FAM210A: variants seen among roughly 807,000 people sequenced by gnomAD.
FAM210A encodes family with sequence similarity 210 member A.
A neutral mutation model predicts 25.3 loss-of-function variants in FAM210A; 13 were observed. The observed-to-expected ratio is 0.51, with a 90% CI of 0.33 to 0.82. The LOEUF is 0.82. Ranked by LOEUF, FAM210A falls within the 40% of genes least tolerant of loss-of-function variation. The probability of loss-of-function intolerance (pLI) is 0.02; values close to 1 mark genes in which losing one functional copy is unlikely to be tolerated. For missense variants in FAM210A, 319 were observed against 323.2 expected (o/e 0.99, Z 0.10); for synonymous variants, 125 against 118.7 (o/e 1.05, Z -0.35).
intron 1 of FAM210A, among the ~76,000 whole-genome samples, chr18:13,707,679 T>C (rs1239684903): frequency 1.3e-5 from 2 of 152,268 alleles, no homozygotes; most frequent in African/African-American, 4.8e-5. Context: ...TGAGTCCTTG[T>C]GGATGAACTG....
chr18:13,706,872 T>C (rs1040197711), intron 1 of FAM210A, among the ~76,000 whole-genome samples: 1 of 152,192 alleles, frequency 6.6e-6, no homozygotes, highest in African/African-American at 2.4e-5. Context: ...AAAAACCACT[T>C]AGTTAAGCCA....
chr18:13,707,502 C>T (rs1181730475), intron 1 of FAM210A, among the ~76,000 whole-genome samples: 2 of 152,358 alleles, frequency 1.3e-5, no homozygotes, highest in Non-Finnish European at 1.5e-5. Context: ...CTCAGTTCTA[C>T]TGTTTCCCAG....
chr18:13,687,034 C>T (rs1440662994), intron 1 of FAM210A, among the ~76,000 whole-genome samples: 1 of 152,170 alleles, frequency 6.6e-6, no homozygotes, highest in East Asian at 1.9e-4. Flanking sequence ...CAAGTCAAAT[C>T]CAGCAATGTC....
At chr18:13,668,390 G>T (rs2043417356) in intron 3 of FAM210A, among the ~76,000 whole-genome samples, 3 of 152,128 alleles carry the variant, frequency 2.0e-5, no homozygotes. Context: ...CTCTGAACGT[G>T]GTGTGACAAC....
At chr18:13,719,169 C>T (rs1354872938) in intron 1 of FAM210A, among the ~76,000 whole-genome samples, 1 of 152,080 alleles carries the variant, frequency 6.6e-6, no homozygotes, top group Non-Finnish European at 1.5e-5. Flanking sequence ...ACATTGCAAA[C>T]CCATCACTGT....
chr18:13,703,369 C>A (rs534130443), intron 1 of FAM210A, among the ~76,000 whole-genome samples: 1 of 152,268 alleles, frequency 6.6e-6, no homozygotes. Context: ...GATAAGACTC[C>A]TATAGGGGGT....
At chr18:13,685,935 G>A (rs542424542) in intron 1 of FAM210A, among the ~76,000 whole-genome samples, 1 of 152,148 alleles carries the variant, frequency 6.6e-6, no homozygotes, top group East Asian at 1.9e-4. Flanking sequence ...CTAGAAAAGA[G>A]GAGCAAGCAG....
intron 1 of FAM210A, among the ~76,000 whole-genome samples, chr18:13,688,942 C>A (rs1032067344): frequency 6.6e-6 from 1 of 152,248 alleles, no homozygotes; most frequent in Non-Finnish European, 1.5e-5. Context: ...CCTGCTGGCA[C>A]CAAAGTGGCT....
At chr18:13,689,983 G>A (rs1488012335) in intron 1 of FAM210A, among the ~76,000 whole-genome samples, 9 of 152,192 alleles carry the variant, frequency 5.9e-5, no homozygotes, top group East Asian at 3.9e-4. Context: ...GAAGTGCAAT[G>A]GGTCAGGGAA....
intron 1 of FAM210A, among the ~76,000 whole-genome samples, chr18:13,700,467 C>T (rs371616985): frequency 1.3e-5 from 2 of 152,192 alleles, no homozygotes; most frequent in Non-Finnish European, 2.9e-5. Flanking sequence ...TTTTCCAGAT[C>T]CTGAATTCCA....
At chr18:13,672,544 G>A (rs964515602) in intron 2 of FAM210A, among the ~76,000 whole-genome samples, 2 of 152,122 alleles carry the variant, frequency 1.3e-5, no homozygotes, top group South Asian at 4.1e-4. Context: ...GAGTAGCTGG[G>A]ATTACAGACA....
At chr18:13,676,851 G>A (rs1312664694) in intron 2 of FAM210A, among the ~76,000 whole-genome samples, 7 of 152,080 alleles carry the variant, frequency 4.6e-5, no homozygotes, top group East Asian at 3.9e-4. Context: ...AAGTACTTTC[G>A]CACAGGAAAA....
intron 1 of FAM210A, among the ~76,000 whole-genome samples, chr18:13,711,560 T>A (rs1050158567): frequency 6.6e-6 from 1 of 152,184 alleles, no homozygotes; most frequent in Non-Finnish European, 1.5e-5. Flanking sequence ...ACTACTTGCA[T>A]CCTACTTGTT....
intron 1 of FAM210A, among the ~76,000 whole-genome samples, chr18:13,712,663 T>G (rs2149069214): frequency 6.6e-6 from 1 of 152,278 alleles, no homozygotes; most frequent in South Asian, 2.1e-4. Flanking sequence ...AGCCAGCAAG[T>G]GGGCCCACAC....
At chr18:13,678,638 T>G (rs2149055533) in intron 2 of FAM210A, among the ~76,000 whole-genome samples, 1 of 152,306 alleles carries the variant, frequency 6.6e-6, no homozygotes, top group Non-Finnish European at 1.5e-5. Context: ...TAACTTTCAT[T>G]TCCTCTGGAA....
At chr18:13,671,729 A>C in intron 3 of FAM210A, 133 bp downstream of exon 3, 1 of 529,734 alleles carries the variant, frequency 1.9e-6, no homozygotes, top group Non-Finnish European at 3.4e-6. Flanking sequence ...ATTATTCACC[A>C]GACATATCAG....
At chr18:13,709,111 C>T (rs1425499187) in intron 1 of FAM210A, among the ~76,000 whole-genome samples, 4 of 152,224 alleles carry the variant, frequency 2.6e-5, no homozygotes, top group Admixed American at 2.6e-4. Flanking sequence ...TCACATTCTG[C>T]TCAGAAACTA....
At chr18:13,680,425 A>G (rs1374880548) in intron 2 of FAM210A, among the ~76,000 whole-genome samples, 3 of 152,224 alleles carry the variant, frequency 2.0e-5, no homozygotes, top group African/African-American at 2.4e-5. Context: ...AAATAAGAGG[A>G]ACATAATGTA....
At chr18:13,699,935 T>TA (rs1363437457) in intron 1 of FAM210A, among the ~76,000 whole-genome samples, 1 of 152,270 alleles carries the variant, frequency 6.6e-6, no homozygotes, top group Middle Eastern at 3.4e-3. Context: ...ACACTATGGG[T>TA]AAAAAAACTC....
Sources: gnomAD v4.1 joint callset for allele counts (sites outside exome capture counted in the v4.1 genomes callset) on GRCh38, gnomAD v4.1.1 for gene constraint, MANE v1.5 for transcripts, NCBI Gene and HGNC (gene_info 2026-07-23, HGNC 2026-07-21) for gene names.